Variants in ROBO1 observed in about 807,000 individuals in gnomAD.
The protein encoded by ROBO1 is roundabout homolog 1.
A neutral mutation model predicts 195.9 loss-of-function variants in ROBO1; 149 were observed. The observed-to-expected ratio is 0.76, with a 90% confidence interval of 0.67 to 0.87. The LOEUF (loss-of-function observed/expected upper bound fraction) is 0.87, where lower values mean the gene tolerates loss of function less well. Ranked by LOEUF, ROBO1 falls within the 40% of genes least tolerant of loss-of-function variation. The probability of loss-of-function intolerance (pLI) is 0.00; values close to 1 mark genes in which losing one functional copy is unlikely to be tolerated. For synonymous variants in ROBO1, 816 were observed against 733.2 expected (o/e 1.11, Z -1.82); for missense variants, 1,933 against 2,068.3 (o/e 0.93, Z 1.27).
In ROBO1 at chr3:78,938,558, C is replaced by T. The variant is rs375699712; in HGVS notation, c.499+43G>A. On this transcript the variant is annotated intron_variant, in intron 4 of 30. Coordinates refer to ENST00000464233, the MANE Select transcript of ROBO1 (RefSeq NM_002941.4). ...CCATGATCAAACAAATGACGCCACT[C>T]TGCCACTCCCTCTGCCAAACACAGA... 6.5e-6 allele frequency: 10 copies of T among 1,530,344 alleles called. No homozygotes were observed. In the Admixed American group the frequency reaches 1.5e-4, roughly 24 times the overall value. The allele number at this position is 1,530,344 out of a possible 1,614,324, so 94.8% of individuals were successfully genotyped here.
intron 2 of ROBO1, among the ~76,000 whole-genome samples, chr3:79,176,482 G>A (rs1357542561): frequency 1.3e-5 from 2 of 152,016 alleles, no homozygotes; most frequent in Non-Finnish European, 2.9e-5. Flanking sequence ...ATTTGAGATG[G>A]AATCTCTCTC....
In ROBO1 at chr3:79,716,367, C is replaced by A. The variant is rs538259377; in HGVS notation, c.-51+51385G>T. 6.6e-5 allele frequency among the ~76,000 whole-genome samples: 10 copies of A among 151,892 alleles called. No homozygotes were observed. In the South Asian group the frequency reaches 1.7e-3, roughly 25 times the overall value. ...ACTACATATTCTGGAATAATTTGGGCATGTGATATAGATATAATGAACAGT... is the reference window on the plus strand; with the variant it reads ...ACTACATATTCTGGAATAATTTGGGAATGTGATATAGATATAATGAACAGT... On this transcript the variant is annotated intron_variant, in intron 1 of 30. Coordinates refer to ENST00000464233, the MANE Select transcript of ROBO1 (RefSeq NM_002941.4).
chr3:79,143,451 G>A (rs1439846254), intron 2 of ROBO1, among the ~76,000 whole-genome samples: 1 of 151,880 alleles, frequency 6.6e-6, no homozygotes, highest in Non-Finnish European at 1.5e-5. Flanking sequence ...CCCAATGCAG[G>A]GAGTTGACTG....
chr3:79,680,528 A>T (rs1190127544), intron 1 of ROBO1, among the ~76,000 whole-genome samples: 1 of 152,028 alleles, frequency 6.6e-6, no homozygotes, highest in African/African-American at 2.4e-5. Context: ...TAGAGAAGTG[A>T]TTATAGTTTT....
At chr3:79,530,687 T>C (rs4269049) in intron 2 of ROBO1, among the ~76,000 whole-genome samples, 86,367 of 150,994 alleles carry the variant, frequency 0.57, 24,828 homozygotes, top group Non-Finnish European at 0.6. Context: ...GCCTCTACTC[T>C]ACCCCACTAA....
intron 2 of ROBO1, among the ~76,000 whole-genome samples, chr3:79,376,816 C>T (rs948638205): frequency 6.6e-6 from 1 of 151,972 alleles, no homozygotes; most frequent in African/African-American, 2.4e-5. Flanking sequence ...GTTTGATAGT[C>T]CTTTTCAAAC....
intron 2 of ROBO1, among the ~76,000 whole-genome samples, chr3:79,583,176 G>A (rs1422982440): frequency 6.6e-6 from 1 of 151,880 alleles, no homozygotes; most frequent in Non-Finnish European, 1.5e-5. Flanking sequence ...ATTCTGAACA[G>A]TTTTCTTTAA....
intron 5 of ROBO1, among the ~76,000 whole-genome samples, chr3:78,722,057 TGTA>T (rs1285346188): frequency 6.6e-6 from 1 of 152,126 alleles, no homozygotes; most frequent in Non-Finnish European, 1.5e-5. Flanking sequence ...CTAAGGAATT[TGTA>T]GTATACACCC....
intron 3 of ROBO1, among the ~76,000 whole-genome samples, chr3:79,108,017 G>A (rs2079816882): frequency 6.6e-6 from 1 of 151,706 alleles, no homozygotes; most frequent in African/African-American, 2.4e-5. Context: ...GTTAATACCA[G>A]TAATACACCA....
chr3:79,457,611 G>A (rs1013900800), intron 2 of ROBO1, among the ~76,000 whole-genome samples: 1 of 152,068 alleles, frequency 6.6e-6, no homozygotes, highest in African/African-American at 2.4e-5. Context: ...AACCTGGTGG[G>A]AGGTAACTGA....
chr3:79,437,838 T>G (rs1011478171), intron 2 of ROBO1, among the ~76,000 whole-genome samples: 1 of 151,960 alleles, frequency 6.6e-6, no homozygotes, highest in Non-Finnish European at 1.5e-5. Context: ...GTGCATTTAA[T>G]GTGGAAAAAT....
intron 3 of ROBO1, among the ~76,000 whole-genome samples, chr3:79,021,893 C>G (rs9834863): frequency 0.029 from 4,461 of 152,212 alleles, 226 homozygotes; most frequent in African/African-American, 0.1. Context: ...ATCTCCTGAC[C>G]TAGTGATGCA....
intron 2 of ROBO1, among the ~76,000 whole-genome samples, chr3:79,257,591 G>T (rs1346524498): frequency 6.6e-6 from 1 of 152,032 alleles, no homozygotes; most frequent in Admixed American, 6.6e-5. Flanking sequence ...TTAGAGTTGG[G>T]GTTGTTCACA....
chr3:79,172,896 A>T (rs760396624), intron 2 of ROBO1, among the ~76,000 whole-genome samples: 1 of 152,184 alleles, frequency 6.6e-6, no homozygotes, highest in Non-Finnish European at 1.5e-5. Context: ...CTAACTCTTG[A>T]TCCTCCCAGG....
intron 2 of ROBO1, among the ~76,000 whole-genome samples, chr3:79,500,641 A>T (rs1266980810): frequency 6.6e-5 from 10 of 152,172 alleles, no homozygotes; most frequent in Admixed American, 5.9e-4. Flanking sequence ...AACCTCTAGG[A>T]AACGCCTTTT....
intron 2 of ROBO1, among the ~76,000 whole-genome samples, chr3:79,159,053 T>C (rs957207823): frequency 6.6e-6 from 1 of 151,972 alleles, no homozygotes; most frequent in Non-Finnish European, 1.5e-5. Context: ...CCCCATATTA[T>C]TCAAGTAAAA....
At chr3:79,402,584 G>A (rs1162883780) in intron 2 of ROBO1, among the ~76,000 whole-genome samples, 1 of 151,900 alleles carries the variant, frequency 6.6e-6, no homozygotes, top group Non-Finnish European at 1.5e-5. Flanking sequence ...GGACACTGGG[G>A]TAAATCTTTA....
At chr3:78,703,636 C>T (rs1289295104) in intron 8 of ROBO1, among the ~76,000 whole-genome samples, 1 of 151,994 alleles carries the variant, frequency 6.6e-6, no homozygotes, top group African/African-American at 2.4e-5. Flanking sequence ...AAGAAAGACA[C>T]ACAAACCTCC....
intron 3 of ROBO1, chr3:79,018,830 G>A (rs2078026246): frequency 2.0e-6 from 2 of 1,013,232 alleles, no homozygotes; most frequent in East Asian, 8.9e-5. Context: ...ATGTGCGGCC[G>A]AGCGCCGCTG....
Sources: gnomAD v4.1 joint callset for allele counts (sites outside exome capture counted in the v4.1 genomes callset) on GRCh38, gnomAD v4.1.1 for gene constraint, MANE v1.5 for transcripts, NCBI Gene and HGNC (gene_info 2026-07-23, HGNC 2026-07-21) for gene names.